POLI: variants seen among roughly 807,000 people sequenced by gnomAD.
The protein encoded by POLI is DNA polymerase iota, also known as RAD30 homolog B.
Under a neutral mutation model 51.6 loss-of-function variants are expected in POLI, and 58 were observed. The ratio of observed to expected loss-of-function variants is 1.12; its 90% CI spans 0.91 to 1.40. The LOEUF is 1.40. POLI is among the 40% of genes most tolerant of loss of function. The probability of loss-of-function intolerance (pLI) is 0.00; values close to 1 mark genes in which losing one functional copy is unlikely to be tolerated. For synonymous variants in POLI, 322 were observed against 299.7 expected (o/e 1.07, Z -0.77); for missense variants, 921 against 871.3 (o/e 1.06, Z -0.72).
downstream of POLI, among the ~76,000 whole-genome samples, chr18:54,300,657 A>G (rs1443889706): frequency 6.6e-6 from 1 of 152,178 alleles, no homozygotes; most frequent in African/African-American, 2.4e-5. Context: ...AACCTCAATT[A>G]AAGGGCAGAG....
intron 3 of POLI, among the ~76,000 whole-genome samples, chr18:54,305,946 T>C (rs1205824515): frequency 6.6e-6 from 1 of 152,102 alleles, no homozygotes; most frequent in East Asian, 1.9e-4. Flanking sequence ...TTTTAGTAGA[T>C]ACGGGGTTTC....
chr18:54,298,119 A>C lies in POLI; in HGVS notation c.*3652A>C, dbSNP rs1452505424. 1.1e-5 allele frequency: 10 copies of C among 921,812 alleles called. No homozygotes were observed. The highest frequency in any genetic ancestry group is 1.2e-4 in the East Asian group (1 of 8,508). The allele number at this position is 921,812 out of a possible 1,614,324, so 57.1% of individuals were successfully genotyped here. On this transcript the variant is annotated 3_prime_UTR_variant, in exon 10 of 10. Transcript: ENST00000579534. ...TCTGGATTGTTTTCAATATTAAAAA[A>C]ACTTCTATTTTAAAATCTGTATATA...
Position 54,297,294 on chromosome 18 carries a change from T to G in POLI, c.*2827T>G, listed in dbSNP as rs151317393. 5.4e-3 allele frequency: 5,345 copies of G among 984,544 alleles called. 52 individuals carry two copies. Among genetic ancestry groups the G allele is most frequent in the South Asian group, 0.052 (1,097 of 21,254 alleles). The allele number at this position is 984,544 out of a possible 1,614,324, so 61.0% of individuals were successfully genotyped here. On this transcript the variant is annotated 3_prime_UTR_variant, in exon 10 of 10. Coordinates refer to ENST00000579534, the MANE Select transcript of POLI (RefSeq NM_007195.3). ...GTTTCAGCTCGAGTTTGTTGTTGTT[T>G]TTTTTTTTTCCTGTTTCTGTCTTGA...
In POLI at chr18:54,295,956, A is replaced by G. The variant is rs2088307803; in HGVS notation, c.*1489A>G. The G allele has an allele frequency of 1.0e-6, 1 of 985,106 alleles. No individual in the cohort carries two copies. Among genetic ancestry groups the G allele is most frequent in the Admixed American group, 6.2e-5 (1 of 16,242 alleles). The allele number at this position is 985,106 out of a possible 1,614,324, so 61.0% of individuals were successfully genotyped here. A position where few individuals can be genotyped will look rare whatever the true frequency, so the allele number is the denominator to read the frequency against. On this transcript the variant is annotated 3_prime_UTR_variant, in exon 10 of 10. Transcript: ENST00000579534. Reference sequence around the variant, plus strand: ...CTCTGAAATTTTAACTTAGTTTTGGATTCCTTGGAATTTGAAAATATGCTA... The same window carrying G: ...CTCTGAAATTTTAACTTAGTTTTGGGTTCCTTGGAATTTGAAAATATGCTA...
intron 5 of POLI, 37 bp downstream of exon 5, chr18:54,280,940 T>C (rs2087472931): frequency 9.3e-7 from 1 of 1,071,374 alleles, no homozygotes; most frequent in African/African-American, 1.6e-5. Flanking sequence ...ATATACGTCT[T>C]ATTTTATTTC....
intron 1 of POLI, chr18:54,270,158 C>A: frequency 2.6e-6 from 1 of 389,274 alleles, no homozygotes; most frequent in Non-Finnish European, 3.5e-6. Flanking sequence ...CCGCCCACCT[C>A]AGGGCCTGGA....
intron 3 of POLI, among the ~76,000 whole-genome samples, chr18:54,309,756 A>C (rs2088642924): frequency 1.3e-5 from 2 of 152,080 alleles, no homozygotes; most frequent in African/African-American, 2.4e-5. Context: ...CTTCCAGGTT[A>C]CTTTGTTTAC....
rs554871099 is a variant in POLI, at chr18:54,269,675, A to G, written c.115+14A>G. The G allele has an allele frequency of 4.7e-6, 7 of 1,500,392 alleles. No homozygotes were observed. The African/African-American group carries it at 1.0e-4, about 22-fold the overall frequency. The allele number at this position is 1,500,392 out of a possible 1,614,324, so 92.9% of individuals were successfully genotyped here. A position where few individuals can be genotyped will look rare whatever the true frequency, so the allele number is the denominator to read the frequency against. On this transcript the variant is annotated intron_variant, in intron 1 of 9. Coordinates refer to ENST00000579534, the MANE Select transcript of POLI (RefSeq NM_007195.3). Reference sequence around the variant, plus strand: ...CCAGCTCGCAGGGTGCGCCGCAGCCAGAGGAGCCAGCGGCCTCCTTGGGTG... The same window carrying G: ...CCAGCTCGCAGGGTGCGCCGCAGCCGGAGGAGCCAGCGGCCTCCTTGGGTG...
At chr18:54,274,612 A>G (rs976054870) in intron 3 of POLI, among the ~76,000 whole-genome samples, 12 of 151,896 alleles carry the variant, frequency 7.9e-5, no homozygotes, top group Non-Finnish European at 1.5e-4. Flanking sequence ...TCCTATGCTA[A>G]GGTTTGGGTT....
At chr18:54,272,991 A>G (rs1319646221) in intron 2 of POLI, among the ~76,000 whole-genome samples, 1 of 151,428 alleles carries the variant, frequency 6.6e-6, no homozygotes, top group East Asian at 1.9e-4. Flanking sequence ...AATTTTAGAA[A>G]CAATGTCTAA....
Position 54,277,852 on chromosome 18 carries a change from C to T in POLI, c.556C>T (p.Gln186Ter), listed in dbSNP as rs752557345. 6.2e-7 allele frequency: 1 copy of T among 1,608,920 alleles called. No homozygotes were observed. The change falls in exon 4 of 10, where the codon CAG becomes TAG. Residue 186 changes from glutamine to a stop codon, truncating the protein, a stop_gained. Coordinates refer to ENST00000579534, the MANE Select transcript of POLI (RefSeq NM_007195.3). LOFTEE classifies it high-confidence loss of function. ...VTVSGHVYNN[Q>*]SINLLDVLHI... Reference sequence around the variant, plus strand: ...TGTGTCGGGTCATGTATACAATAATCAGTGTGAGTGGGTTCTTATTCATTC... The same window carrying T: ...TGTGTCGGGTCATGTATACAATAATTAGTGTGAGTGGGTTCTTATTCATTC...
At chr18:54,308,263 G>T (rs1349794679) in intron 3 of POLI, among the ~76,000 whole-genome samples, 1 of 152,140 alleles carries the variant, frequency 6.6e-6, no homozygotes, top group Non-Finnish European at 1.5e-5. Flanking sequence ...AGGAGCTCTT[G>T]TAAGGCAGGC....
At chr18:54,293,289 GT>G in intron 9 of POLI, among the ~76,000 whole-genome samples, 1 of 151,440 alleles carries the variant, frequency 6.6e-6, no homozygotes. Flanking sequence ...ATATGTGTAT[GT>G]TTTTTTGAAA....
chr18:54,296,953 C>A lies in POLI; in HGVS notation c.*2486C>A. On this transcript the variant is annotated 3_prime_UTR_variant, in exon 10 of 10. Transcript: ENST00000579534. ...ATTGCATATCATTGTGACTTATTTC[C>A]TTGAGTATGTGTTAATCTGCGAGAA... 1 of 981,676 alleles carries A rather than the reference C, an allele frequency of 1.0e-6. No homozygotes were observed. The highest frequency in any genetic ancestry group is 1.2e-6 in the Non-Finnish European group (1 of 826,748). 60.8% of individuals were successfully genotyped at this position (981,676 alleles called of 1,614,324 possible).
At chr18:54,299,449 A>C (rs8095611), downstream of POLI, among the ~76,000 whole-genome samples, 3,419 of 152,296 alleles carry the variant, frequency 0.022, 130 homozygotes, top group African/African-American at 0.078. Context: ...CAAAACAAAA[A>C]AAGCCTGTTT....
chr18:54,296,798 T>C lies in POLI; in HGVS notation c.*2331T>C. On this transcript the variant is annotated 3_prime_UTR_variant, in exon 10 of 10. Transcript: ENST00000579534. ...TTCAATAAATATATTTTTCATTTGATTCTTTTTAACTTCCCGTTTACTCAT... is the reference window on the plus strand; with the variant it reads ...TTCAATAAATATATTTTTCATTTGACTCTTTTTAACTTCCCGTTTACTCAT... The C allele has an allele frequency of 2.0e-6, 1 of 507,676 alleles. No homozygotes were observed. The highest frequency in any genetic ancestry group is 2.5e-6 in the Non-Finnish European group (1 of 395,980). The allele number at this position is 507,676 out of a possible 1,614,324, so 31.4% of individuals were successfully genotyped here.
chr18:54,313,616 A>G (rs894267183), intron 3 of POLI, among the ~76,000 whole-genome samples: 2 of 152,128 alleles, frequency 1.3e-5, no homozygotes, highest in African/African-American at 4.8e-5. Context: ...TATTTGTGTC[A>G]TCTCTGATTT....
chr18:54,313,329 A>G (rs62091239), intron 3 of POLI, among the ~76,000 whole-genome samples: 2,720 of 152,234 alleles, frequency 0.018, 76 homozygotes, highest in Admixed American at 0.087. Context: ...TTTAACCAGT[A>G]ACTTTCTATT....
At chr18:54,313,449 G>T (rs1346721078) in intron 3 of POLI, among the ~76,000 whole-genome samples, 1 of 151,846 alleles carries the variant, frequency 6.6e-6, no homozygotes, top group Non-Finnish European at 1.5e-5. Context: ...CTTTTTTTTG[G>T]TTTTGTATGA....
Sources: gnomAD v4.1 joint callset for allele counts (sites outside exome capture counted in the v4.1 genomes callset) on GRCh38, gnomAD v4.1.1 for gene constraint, MANE v1.5 for transcripts, NCBI Gene and HGNC (gene_info 2026-07-23, HGNC 2026-07-21) for gene names.